Variants in ANKRD29 observed in about 807,000 individuals in gnomAD.
ANKRD29 encodes ankyrin repeat domain-containing protein 29.
ANKRD29 carries 32 observed loss-of-function variants against 38.0 expected under a neutral mutation model. The observed-to-expected ratio is 0.84, with a 90% CI of 0.64 to 1.13. ANKRD29 has a LOEUF of 1.13. ANKRD29 is among the 50% of genes most tolerant of loss of function. ANKRD29 has a pLI of 0.00. For missense variants in ANKRD29, 357 were observed against 377.9 expected (o/e 0.94, Z 0.46); for synonymous variants, 135 against 152.4 (o/e 0.89, Z 0.84).
At chr18:23,651,596 T>C (rs1018610615) in intron 1 of ANKRD29, among the ~76,000 whole-genome samples, 9 of 152,180 alleles carry the variant, frequency 5.9e-5, no homozygotes, top group Non-Finnish European at 1.5e-5. Flanking sequence ...ACAAGAATGA[T>C]AGACTGTAAT....
Position 23,617,833 on chromosome 18 carries a change from C to A in ANKRD29, c.628-6G>T, listed in dbSNP as rs201591853. ...AATAATGCTGTTGTGCCATCCTTAA[C>A]AGAAAGAGGAAAATAAAAGTTGATT... On this transcript the variant is annotated splice_polypyrimidine_tract_variant and splice_region_variant and intron_variant, in intron 7 of 9. Coordinates refer to ENST00000592179, the MANE Select transcript of ANKRD29 (RefSeq NM_173505.4). 3 of 1,612,046 alleles carry A rather than the reference C, an allele frequency of 1.9e-6. No homozygotes were observed. The highest frequency in any genetic ancestry group is 1.1e-5 in the South Asian group (1 of 91,004).
chr18:23,642,784 G>A (rs1366136717), intron 3 of ANKRD29, among the ~76,000 whole-genome samples: 3 of 152,208 alleles, frequency 2.0e-5, no homozygotes, highest in African/African-American at 7.2e-5. Context: ...TGCATGCACA[G>A]TTAGACTTAA....
chr18:23,660,774 T>C (rs895139102), intron 1 of ANKRD29, among the ~76,000 whole-genome samples: 1 of 152,356 alleles, frequency 6.6e-6, no homozygotes, highest in South Asian at 2.1e-4. Flanking sequence ...GCCACTGCAC[T>C]CTAGCCTGGG....
At position 23,629,495 on chromosome 18, in the gene ANKRD29, C is replaced by T. The variant is rs141695771; in HGVS notation, c.528+358G>A. 1.2e-3 allele frequency among the ~76,000 whole-genome samples: 187 copies of T among 152,330 alleles called. 2 individuals are homozygous for T. The highest frequency in any genetic ancestry group is 4.3e-3 in the African/African-American group (178 of 41,582). On this transcript the variant is annotated intron_variant, in intron 6 of 9. Coordinates refer to ENST00000592179, the MANE Select transcript of ANKRD29 (RefSeq NM_173505.4). The stretch of plus-strand genomic sequence containing the variant: ...ATCAGCAGGGGCCAGGCTACTTGGC[C>T]CACATCTGTTTACCTATGTCCCAGG...
intron 6 of ANKRD29, among the ~76,000 whole-genome samples, chr18:23,620,057 A>G (rs1341104206): frequency 2.6e-5 from 4 of 152,126 alleles, no homozygotes; most frequent in African/African-American, 9.7e-5. Context: ...CTATTCCCCC[A>G]AGACTGTCCA....
At chr18:23,630,036 G>T (rs920747926) in intron 5 of ANKRD29, 85 bp from the exon 6 acceptor site, 1 of 1,130,890 alleles carries the variant, frequency 8.8e-7, no homozygotes, top group Non-Finnish European at 1.3e-6. Context: ...AGTGGCTCAT[G>T]CCTGTAATCA....
At position 23,634,278 on chromosome 18, in the gene ANKRD29, GTTTTTTTTTTTTTTT is replaced by G. The variant is rs71163626; in HGVS notation, c.331-144_331-130del. 6.4e-3 allele frequency: 2,360 copies of G among 369,222 alleles called. 1 individual carries two copies. The highest frequency in any genetic ancestry group is 7.6e-3 in the Non-Finnish European group (1,672 of 221,286). The allele number at this position is 369,222 out of a possible 1,614,324, so 22.9% of individuals were successfully genotyped here. On this transcript the variant is annotated intron_variant, in intron 4 of 9. Transcript: ENST00000592179. ...AGATAATAACAAACTCACTTTCCCT[GTTTTTTTTTTTTTTT>G]TTTTTTTTTTTTTTGAGATGGAGTC...
chr18:23,639,171 G>T (rs1401348940), intron 3 of ANKRD29, among the ~76,000 whole-genome samples: 1 of 152,168 alleles, frequency 6.6e-6, no homozygotes, highest in East Asian at 1.9e-4. Flanking sequence ...CAAAAGATCT[G>T]TCCCCATCCT....
intron 9 of ANKRD29, among the ~76,000 whole-genome samples, chr18:23,603,809 C>G (rs1568001946): frequency 6.6e-6 from 1 of 151,866 alleles, no homozygotes; most frequent in African/African-American, 2.4e-5. Context: ...GAGGCTAATG[C>G]AACTCCATCT....
chr18:23,646,043 T>G, intron 3 of ANKRD29, 146 bp downstream of exon 3: 1 of 718,914 alleles, frequency 1.4e-6, no homozygotes, highest in East Asian at 2.7e-5. Context: ...TTGCTGGACC[T>G]CATTGTAGGC....
At chr18:23,645,859 T>G (rs1221804743) in intron 3 of ANKRD29, among the ~76,000 whole-genome samples, 1 of 151,966 alleles carries the variant, frequency 6.6e-6, no homozygotes, top group Non-Finnish European at 1.5e-5. Flanking sequence ...AATATAATGA[T>G]CTATATGAAA....
chr18:23,601,070 G>T lies in ANKRD29; in HGVS notation c.*156C>A. On this transcript the variant is annotated 3_prime_UTR_variant, in exon 10 of 10. Coordinates refer to ENST00000592179, the MANE Select transcript of ANKRD29 (RefSeq NM_173505.4). ...TGAGCTGTTTGGTTCTTGACTTCGT[G>T]CACAGAGCGTAGCTCTTCTTTGTCA... The T allele has an allele frequency of 1.6e-6, 1 of 639,946 alleles. No homozygotes were observed. 39.6% of individuals were successfully genotyped at this position (639,946 alleles called of 1,614,324 possible).
At chr18:23,601,980 A>G (rs187705382) in intron 9 of ANKRD29, among the ~76,000 whole-genome samples, 36 of 152,016 alleles carry the variant, frequency 2.4e-4, no homozygotes, top group Admixed American at 1.8e-3. Context: ...TTAATGTATG[A>G]CATGAGGTAG....
chr18:23,655,658 T>C (rs2060269691), intron 1 of ANKRD29, among the ~76,000 whole-genome samples: 1 of 151,800 alleles, frequency 6.6e-6, no homozygotes, highest in African/African-American at 2.4e-5. Flanking sequence ...ATTAGCCATA[T>C]TGGCCAGAAT....
chr18:23,654,387 A>G (rs957894174), intron 1 of ANKRD29, among the ~76,000 whole-genome samples: 2 of 151,950 alleles, frequency 1.3e-5, no homozygotes, highest in Non-Finnish European at 2.9e-5. Flanking sequence ...TAGGAGGCTG[A>G]GGTAGGCAGA....
rs939837548 is a variant in ANKRD29 at position 23,616,726 on chromosome 18, T to A, written c.723+1006A>T. ...TAGTAATTAGTAATATTTATTACTA[T>A]TTACTATTTAGTAATATTTACTAAA... On this transcript the variant is annotated intron_variant, in intron 8 of 9. Transcript: ENST00000592179. 2.0e-5 allele frequency among the ~76,000 whole-genome samples: 3 copies of A among 146,374 alleles called. No homozygotes were observed. In the East Asian group the frequency reaches 5.9e-4, roughly 29 times the overall value.
intron 3 of ANKRD29, among the ~76,000 whole-genome samples, chr18:23,643,156 C>T (rs1409784270): frequency 2.0e-5 from 3 of 152,160 alleles, no homozygotes; most frequent in Non-Finnish European, 4.4e-5. Context: ...TAACACCTTC[C>T]TAGTCAGATA....
intron 2 of ANKRD29, chr18:23,646,755 G>C (rs2060145405): frequency 6.5e-6 from 1 of 153,692 alleles, no homozygotes; most frequent in Admixed American, 6.5e-5. Context: ...ACAGAGTTGA[G>C]AGTCAGGAGC....
rs368282337 is a variant in ANKRD29 at position 23,649,102 on chromosome 18, T to A, written c.113A>T (p.Asp38Val). 2.8e-5 allele frequency: 45 copies of A among 1,614,162 alleles called. No homozygotes were observed. Among genetic ancestry groups the A allele is most frequent in the African/African-American group, 2.1e-4 (16 of 75,062 alleles). Reference sequence around the variant, plus strand: ...CCGTACGCTGTCTCTGCAGTCCACGTCCACCCGGCCGCTGTTCAACAGCAG... The same window carrying A: ...CCGTACGCTGTCTCTGCAGTCCACGACCACCCGGCCGCTGTTCAACAGCAG... ...LKLLLNSGRV[D>V]VDCRDSHGTT... Residue 38 changes from aspartate to valine, a missense_variant, in exon 2 of 10, where the codon GAC becomes GTC. Transcript: ENST00000592179.
Sources: allele counts gnomAD v4.1 joint callset (sites outside exome capture counted in the v4.1 genomes callset), GRCh38; gene constraint gnomAD v4.1.1; transcripts MANE v1.5; gene names NCBI Gene and HGNC (gene_info 2026-07-23, HGNC 2026-07-21).